Variants in GNG12 observed in about 807,000 individuals in gnomAD.
The protein encoded by GNG12 is G protein subunit gamma 12.
For missense variants in GNG12, 69 were observed against 83.8 expected (o/e 0.82, Z 0.69); for synonymous variants, 28 against 29.7 (o/e 0.94, Z 0.19).
intron 1 of GNG12, among the ~76,000 whole-genome samples, chr1:67,819,428 T>C (rs759169019): frequency 2.0e-5 from 3 of 152,218 alleles, no homozygotes; most frequent in Admixed American, 6.5e-5. Flanking sequence ...AGGTAGTCAC[T>C]ATTTTTACCC....
intron 2 of GNG12, among the ~76,000 whole-genome samples, chr1:67,769,482 T>C (rs1646660760): frequency 2.0e-5 from 3 of 152,306 alleles, no homozygotes; most frequent in South Asian, 4.1e-4. Flanking sequence ...GCAGAGTTCA[T>C]AAACTCTGCA....
chr1:67,747,864 A>G (rs1646516038), intron 2 of GNG12, among the ~76,000 whole-genome samples: 1 of 152,206 alleles, frequency 6.6e-6, no homozygotes, highest in South Asian at 2.1e-4. Context: ...GTTAAACTGG[A>G]TCTTCTAATT....
chr1:67,800,587 G>A (rs546180522), intron 1 of GNG12, among the ~76,000 whole-genome samples: 9 of 152,264 alleles, frequency 5.9e-5, no homozygotes, highest in African/African-American at 2.2e-4. Context: ...AAGAGCTTTA[G>A]TTTCCTTATT....
chr1:67,781,441 G>T (rs1322967946), intron 1 of GNG12, among the ~76,000 whole-genome samples: 1 of 152,194 alleles, frequency 6.6e-6, no homozygotes, highest in East Asian at 1.9e-4. Context: ...AGTGGTGAAT[G>T]AAGTATATTA....
At chr1:67,761,451 T>TA (rs1646604113) in intron 2 of GNG12, among the ~76,000 whole-genome samples, 1 of 152,168 alleles carries the variant, frequency 6.6e-6, no homozygotes, top group African/African-American at 2.4e-5. Flanking sequence ...ATTTAAACCT[T>TA]ATGTATTGGT....
intron 1 of GNG12, among the ~76,000 whole-genome samples, chr1:67,829,587 T>C (rs1647031551): frequency 6.6e-6 from 1 of 152,246 alleles, no homozygotes; most frequent in African/African-American, 2.4e-5. Context: ...ATGTGGACTA[T>C]GCACCAGGCA....
intron 2 of GNG12, among the ~76,000 whole-genome samples, chr1:67,763,118 A>AGAGAGAGAGAGAGAGAGAGAGAGAGG (rs1279246951): frequency 6.6e-6 from 1 of 151,696 alleles, no homozygotes; most frequent in Non-Finnish European, 1.5e-5. Context: ...AGAGAGAGAG[A>AGAGAGAGAGAGAGAGAGAGAGAGAGG]GAATCAATAT....
At chr1:67,779,526 CT>C (rs59796789) in intron 1 of GNG12, among the ~76,000 whole-genome samples, 69,753 of 151,864 alleles carry the variant, frequency 0.46, 17,124 homozygotes, top group African/African-American at 0.65. Flanking sequence ...TGCACACCCC[CT>C]TATGCCTTTG....
chr1:67,767,918 C>CA (rs931274642), intron 2 of GNG12, among the ~76,000 whole-genome samples: 22 of 152,292 alleles, frequency 1.4e-4, no homozygotes, highest in Admixed American at 9.2e-4. Context: ...CCATTTATCA[C>CA]AAAAAACAGT....
At chr1:67,791,720 G>T (rs1401925865) in intron 1 of GNG12, among the ~76,000 whole-genome samples, 1 of 151,996 alleles carries the variant, frequency 6.6e-6, no homozygotes, top group African/African-American at 2.4e-5. Context: ...AGCATCTCTC[G>T]CCTGGATGAC....
intron 2 of GNG12, among the ~76,000 whole-genome samples, chr1:67,712,118 G>A (rs1428042287): frequency 6.6e-6 from 1 of 152,104 alleles, no homozygotes; most frequent in Non-Finnish European, 1.5e-5. Flanking sequence ...TAGAAAGCCT[G>A]GGGAAACAAA....
intron 1 of GNG12, among the ~76,000 whole-genome samples, chr1:67,796,698 A>T (rs984125259): frequency 2.6e-5 from 4 of 152,214 alleles, no homozygotes; most frequent in African/African-American, 9.7e-5. Flanking sequence ...GGTAAAGTCA[A>T]TTACTTAATG....
intron 2 of GNG12, among the ~76,000 whole-genome samples, chr1:67,741,936 C>A (rs916574614): frequency 2.0e-5 from 3 of 152,174 alleles, no homozygotes; most frequent in Non-Finnish European, 2.9e-5. Context: ...TTGGATATGG[C>A]CTGGCCTCAC....
At chr1:67,773,090 A>G (rs1326955886) in intron 2 of GNG12, among the ~76,000 whole-genome samples, 3 of 152,192 alleles carry the variant, frequency 2.0e-5, no homozygotes, top group African/African-American at 7.2e-5. Flanking sequence ...AGTTTAAATT[A>G]TATTTCTGTT....
At position 67,803,367 on chromosome 1, in the gene GNG12, T is replaced by A. The variant is rs527575063; in HGVS notation, c.-76-25860A>T. Among the ~76,000 whole-genome samples, 586 of 147,104 alleles carry A rather than the reference T, an allele frequency of 4.0e-3. 1 individual carries two copies. The highest frequency in any genetic ancestry group is 4.7e-3 in the Non-Finnish European group (318 of 67,838). On this transcript the variant is annotated intron_variant, in intron 1 of 3. Coordinates refer to ENST00000370982, the MANE Select transcript of GNG12 (RefSeq NM_018841.6). ...CATCTCTATAAATTAAAAAAAAAAT[T>A]TTTTTTAAGTTAATTTATCTTAATG... is the stretch of plus-strand genomic sequence containing the variant.
chr1:67,735,094 G>A (rs1049553839), intron 2 of GNG12, among the ~76,000 whole-genome samples: 3 of 152,072 alleles, frequency 2.0e-5, no homozygotes, highest in African/African-American at 7.2e-5. Context: ...GACCTCAGGT[G>A]ATCCACCCTC....
At chr1:67,718,329 G>A (rs1177071986) in intron 2 of GNG12, among the ~76,000 whole-genome samples, 2 of 151,196 alleles carry the variant, frequency 1.3e-5, no homozygotes, top group African/African-American at 2.4e-5. Context: ...TGTGAGCCAC[G>A]TATGTGATTT....
chr1:67,806,687 C>T (rs1472917721), intron 1 of GNG12, among the ~76,000 whole-genome samples: 1 of 152,100 alleles, frequency 6.6e-6, no homozygotes, highest in African/African-American at 2.4e-5. Flanking sequence ...GGAATAAAGA[C>T]AGGCATCACA....
chr1:67,721,154 C>A (rs1646354085), intron 2 of GNG12, among the ~76,000 whole-genome samples: 1 of 152,096 alleles, frequency 6.6e-6, no homozygotes, highest in Non-Finnish European at 1.5e-5. Context: ...AATTCCTGCC[C>A]TAAAAGAACT....
Sources: allele counts gnomAD v4.1 joint callset (sites outside exome capture counted in the v4.1 genomes callset), GRCh38; gene constraint gnomAD v4.1.1; transcripts MANE v1.5; gene names NCBI Gene and HGNC (gene_info 2026-07-23, HGNC 2026-07-21).